PRKD1: variants seen among roughly 807,000 people sequenced by gnomAD.
PRKD1 encodes the protein protein kinase D1.
Under a neutral mutation model 95.9 loss-of-function variants are expected in PRKD1, and 63 were observed. The observed-to-expected ratio is 0.66, with a 90% CI of 0.54 to 0.81. The LOEUF (loss-of-function observed/expected upper bound fraction) is 0.81, where lower values mean the gene tolerates loss of function less well. Ranked by LOEUF, PRKD1 falls within the 30% of genes least tolerant of loss-of-function variation. PRKD1 has a pLI of 0.00. For synonymous variants in PRKD1, 425 were observed against 423.1 expected (o/e 1.00, Z -0.05); for missense variants, 1,048 against 1,165.3 (o/e 0.90, Z 1.47).
chr14:29,798,565 T>C (rs979027651), intron 1 of PRKD1, among the ~76,000 whole-genome samples: 1 of 152,216 alleles, frequency 6.6e-6, no homozygotes, highest in African/African-American at 2.4e-5. Context: ...TGTATGAATA[T>C]GATTATTGCC....
chr14:29,721,603 G>T (rs1389828539), intron 2 of PRKD1, among the ~76,000 whole-genome samples: 6 of 152,074 alleles, frequency 3.9e-5, no homozygotes, highest in Non-Finnish European at 7.3e-5. Context: ...GGCCCATCAT[G>T]AAGAAGGCTT....
intron 1 of PRKD1, among the ~76,000 whole-genome samples, chr14:29,815,948 G>A (rs142933784): frequency 3.2e-4 from 49 of 152,216 alleles, no homozygotes; most frequent in East Asian, 1.2e-3. Context: ...GGCCGGGCGC[G>A]GTGGCTCACA....
intron 1 of PRKD1, among the ~76,000 whole-genome samples, chr14:29,877,952 T>C (rs1272468341): frequency 6.6e-6 from 1 of 152,186 alleles, no homozygotes; most frequent in Non-Finnish European, 1.5e-5. Context: ...ATATACACCA[T>C]GGAATATTAT....
At chr14:29,825,827 T>C (rs1456516089) in intron 1 of PRKD1, among the ~76,000 whole-genome samples, 1 of 152,082 alleles carries the variant, frequency 6.6e-6, no homozygotes, top group Non-Finnish European at 1.5e-5. Flanking sequence ...TCCTCCACTA[T>C]ACAGGCAGGC....
chr14:29,690,936 T>G (rs1332655853), intron 2 of PRKD1, among the ~76,000 whole-genome samples: 1 of 152,178 alleles, frequency 6.6e-6, no homozygotes, highest in Admixed American at 6.5e-5. Flanking sequence ...ATCTCCCCCA[T>G]GTGCTTGTCT....
At chr14:29,675,927 A>G (rs1157593923) in intron 2 of PRKD1, among the ~76,000 whole-genome samples, 2 of 146,322 alleles carry the variant, frequency 1.4e-5, no homozygotes, top group South Asian at 2.2e-4. Context: ...GGAATTGAAC[A>G]ATGAGAACAC....
intron 1 of PRKD1, among the ~76,000 whole-genome samples, chr14:29,869,387 C>T (rs935279595): frequency 6.6e-6 from 1 of 150,464 alleles, no homozygotes; most frequent in African/African-American, 2.5e-5. Flanking sequence ...TTGCAGCAAG[C>T]AGAGATCGCA....
intron 1 of PRKD1, among the ~76,000 whole-genome samples, chr14:29,740,907 C>T (rs545643184): frequency 2.4e-4 from 36 of 152,160 alleles, no homozygotes; most frequent in Non-Finnish European, 4.4e-4. Context: ...ATATACACCA[C>T]AGAATATGAT....
At chr14:29,865,532 AG>A (rs780866049) in intron 1 of PRKD1, among the ~76,000 whole-genome samples, 1 of 152,134 alleles carries the variant, frequency 6.6e-6, no homozygotes, top group Non-Finnish European at 1.5e-5. Context: ...TGTTATAAAA[AG>A]CAAGTTTGGC....
chr14:29,607,002 T>C (rs370647590), intron 13 of PRKD1, among the ~76,000 whole-genome samples: 9 of 152,312 alleles, frequency 5.9e-5, no homozygotes, highest in South Asian at 4.1e-4. Context: ...CCAAATCTTA[T>C]GTAAAATAGG....
intron 2 of PRKD1, among the ~76,000 whole-genome samples, chr14:29,693,251 A>G (rs992272039): frequency 3.9e-5 from 6 of 152,136 alleles, no homozygotes; most frequent in African/African-American, 1.4e-4. Context: ...CTAAGTCGGA[A>G]GTTTTGAATT....
intron 1 of PRKD1, among the ~76,000 whole-genome samples, chr14:29,862,392 C>T (rs1378527814): frequency 6.6e-6 from 1 of 152,118 alleles, no homozygotes; most frequent in Non-Finnish European, 1.5e-5. Context: ...TATTTCTGTA[C>T]CCTCAGCAGT....
chr14:29,812,335 A>C (rs1484237732), intron 1 of PRKD1, among the ~76,000 whole-genome samples: 1 of 152,246 alleles, frequency 6.6e-6, no homozygotes, highest in Non-Finnish European at 1.5e-5. Flanking sequence ...ACTAAATTGA[A>C]TATAATTTGA....
intron 4 of PRKD1, among the ~76,000 whole-genome samples, chr14:29,645,405 A>T (rs989806880): frequency 2.0e-5 from 3 of 152,158 alleles, no homozygotes; most frequent in Non-Finnish European, 2.9e-5. Context: ...TTGGCTGCCT[A>T]CTTTCCTATT....
intron 1 of PRKD1, among the ~76,000 whole-genome samples, chr14:29,759,041 T>C (rs1566583832): frequency 6.6e-6 from 1 of 152,250 alleles, no homozygotes; most frequent in Non-Finnish European, 1.5e-5. Flanking sequence ...AGAAACAGTG[T>C]CCGTTACTCA....
chr14:29,675,934 A>T (rs577216837), intron 2 of PRKD1, among the ~76,000 whole-genome samples: 6 of 138,954 alleles, frequency 4.3e-5, no homozygotes, highest in South Asian at 4.8e-4. Flanking sequence ...AACAATGAGA[A>T]CACTTGGACA....
At chr14:29,789,352 A>G (rs1889428458) in intron 1 of PRKD1, among the ~76,000 whole-genome samples, 1 of 152,106 alleles carries the variant, frequency 6.6e-6, no homozygotes, top group African/African-American at 2.4e-5. Context: ...TGCATATCTA[A>G]TGTAACATTC....
At chr14:29,711,706 C>A (rs962316784) in intron 2 of PRKD1, among the ~76,000 whole-genome samples, 7 of 152,106 alleles carry the variant, frequency 4.6e-5, no homozygotes, top group Non-Finnish European at 1.0e-4. Flanking sequence ...TCATATGGAT[C>A]TTTTAAGAAC....
chr14:29,761,088 A>T (rs1210560193), intron 1 of PRKD1, among the ~76,000 whole-genome samples: 1 of 152,166 alleles, frequency 6.6e-6, no homozygotes, highest in African/African-American at 2.4e-5. Context: ...CTACAAGTAC[A>T]TACCACTGCA....
Sources: gnomAD v4.1 joint callset for allele counts (sites outside exome capture counted in the v4.1 genomes callset) on GRCh38, gnomAD v4.1.1 for gene constraint, MANE v1.5 for transcripts, NCBI Gene and HGNC (gene_info 2026-07-23, HGNC 2026-07-21) for gene names.